Variants in IRAK3 observed in about 807,000 individuals in gnomAD.
IRAK3 encodes interleukin 1 receptor associated kinase 3, also known as interleukin-1 receptor-associated kinase 3.
A neutral mutation model predicts 56.6 loss-of-function variants in IRAK3; 57 were observed. The observed-to-expected ratio is 1.01, with a 90% CI of 0.81 to 1.26. The LOEUF (loss-of-function observed/expected upper bound fraction) is 1.26, where lower values mean the gene tolerates loss of function less well. IRAK3 is among the 50% of genes most tolerant of loss of function. The pLI is 0.00. For synonymous variants in IRAK3, 258 were observed against 255.7 expected (o/e 1.01, Z -0.09); for missense variants, 703 against 719.0 (o/e 0.98, Z 0.25).
In IRAK3 at chr12:66,244,433, A is replaced by C. The variant is rs2053005285; in HGVS notation, c.888-53A>C. On this transcript the variant is annotated intron_variant, in intron 8 of 11. Transcript: ENST00000261233. Reference sequence around the variant, plus strand: ...GTGAGTTTATAGTATGTTTGTTTACACTGAAGTGCCTTTATGATATTTTGT... The same window carrying C: ...GTGAGTTTATAGTATGTTTGTTTACCCTGAAGTGCCTTTATGATATTTTGT... 5 of 1,325,772 alleles carry C rather than the reference A, an allele frequency of 3.8e-6. No homozygotes were observed. In the South Asian group the frequency reaches 5.9e-5, roughly 16 times the overall value. 82.1% of individuals were successfully genotyped at this position (1,325,772 alleles called of 1,614,324 possible). A position where few individuals can be genotyped will look rare whatever the true frequency, so the allele number is the denominator to read the frequency against.
intron 6 of IRAK3, among the ~76,000 whole-genome samples, chr12:66,224,977 T>C (rs900186502): frequency 6.6e-6 from 1 of 152,196 alleles, no homozygotes; most frequent in Non-Finnish European, 1.5e-5. Context: ...CATGGGTCCA[T>C]AGGTACAACA....
chr12:66,233,606 C>T lies in IRAK3; in HGVS notation c.887+5236C>T, dbSNP rs147235384. On this transcript the variant is annotated intron_variant, in intron 8 of 11. Coordinates refer to ENST00000261233, the MANE Select transcript of IRAK3 (RefSeq NM_007199.3). ...ACACTCGCACTGCAAGCACAGAACACCATGGGTGAAGTCGGACTAGTTAAA... is the reference window on the plus strand; with the variant it reads ...ACACTCGCACTGCAAGCACAGAACATCATGGGTGAAGTCGGACTAGTTAAA... Among the ~76,000 whole-genome samples the T allele has an allele frequency of 1.9e-3, 282 of 151,856 alleles. 1 individual carries two copies. Among genetic ancestry groups the T allele is most frequent in the African/African-American group, 6.7e-3 (276 of 41,466 alleles).
intron 8 of IRAK3, among the ~76,000 whole-genome samples, chr12:66,231,940 T>C (rs920315463): frequency 6.6e-6 from 1 of 152,030 alleles, no homozygotes. Context: ...GGTTCTAGAG[T>C]CTCTTAGGTG....
chr12:66,224,534 A>G (rs2052766961), intron 6 of IRAK3, among the ~76,000 whole-genome samples: 3 of 152,214 alleles, frequency 2.0e-5, no homozygotes, highest in Admixed American at 2.0e-4. Flanking sequence ...TTTAATATTA[A>G]GGAAATTACC....
intron 9 of IRAK3, 72 bp from the exon 10 acceptor site, chr12:66,244,876 T>C: frequency 8.4e-7 from 1 of 1,194,202 alleles, no homozygotes; most frequent in East Asian, 2.3e-5. Context: ...TTCATAGTCA[T>C]GGTTAATAGT....
intron 8 of IRAK3, chr12:66,234,014 T>C: frequency 1.3e-6 from 2 of 1,563,350 alleles, no homozygotes; most frequent in Non-Finnish European, 8.8e-7. Context: ...GAAAAATCCA[T>C]GATTGTTCAG....
intron 7 of IRAK3, among the ~76,000 whole-genome samples, chr12:66,227,855 G>A (rs2052804339): frequency 6.6e-6 from 1 of 152,050 alleles, no homozygotes; most frequent in African/African-American, 2.4e-5. Context: ...GTCTTTGGAG[G>A]TTAAGTTTAA....
At position 66,228,287 on chromosome 12, in the gene IRAK3, C is replaced by A; in HGVS notation, c.804C>A (p.Ile268=). Reference sequence around the variant, plus strand: ...CCCCACTCCCTTGGCACATTCGAATCGGTATATTAATAGGAATATCCAAAG... The same window carrying A: ...CCCCACTCCCTTGGCACATTCGAATAGGTATATTAATAGGAATATCCAAAG... ...DTAPLPWHIR[I]GILIGISKAI... Residue 268 remains isoleucine (I), a synonymous_variant, in exon 8 of 12, where the codon ATC becomes ATA. Transcript: ENST00000261233. The A allele has an allele frequency of 1.2e-6, 2 of 1,614,068 alleles. No individual in the cohort carries two copies. The highest frequency in any genetic ancestry group is 1.1e-5 in the South Asian group (1 of 91,070).
chr12:66,223,276 A>G (rs1346820080), intron 6 of IRAK3, among the ~76,000 whole-genome samples: 3 of 152,174 alleles, frequency 2.0e-5, no homozygotes, highest in Non-Finnish European at 2.9e-5. Flanking sequence ...CAATAGCTTA[A>G]CTTGGGCTCA....
At chr12:66,224,653 T>G (rs2052767812) in intron 6 of IRAK3, among the ~76,000 whole-genome samples, 1 of 152,218 alleles carries the variant, frequency 6.6e-6, no homozygotes, top group African/African-American at 2.4e-5. Context: ...GGCTTTTGGC[T>G]TAACCTTTTA....
chr12:66,235,319 G>GGGCGCA, intron 8 of IRAK3: 3 of 1,167,760 alleles, frequency 2.6e-6, no homozygotes, highest in South Asian at 3.4e-5. Context: ...GCGCGGGCGC[G>GGGCGCA]GGGCAGCCTG....
rs773108503 is a variant in IRAK3 at position 66,247,723 on chromosome 12, C to G, written c.1343C>G (p.Ala448Gly). The change falls in exon 12 of 12, where the codon GCC becomes GGC. Residue 448 changes from alanine (A) to glycine (G), a missense_variant. Physicochemically the swap from Ala to Gly is moderately conservative, Grantham distance 60. Coordinates refer to ENST00000261233, the MANE Select transcript of IRAK3 (RefSeq NM_007199.3). ...EVLNTLESTQ[A>G]SLYFAEDPPT... ...TTAAATACTCTTGAAAGTACTCAAG[C>G]CAGCTTGTATTTTGCTGAAGATCCT... 2 of 1,613,546 alleles carry G rather than the reference C, an allele frequency of 1.2e-6. No homozygotes were observed. Among genetic ancestry groups the G allele is most frequent in the East Asian group, 4.5e-5 (2 of 44,890 alleles).
At chr12:66,245,040 C>T (rs912281919) in intron 10 of IRAK3, 30 bp downstream of exon 10, 5 of 1,613,438 alleles carry the variant, frequency 3.1e-6, no homozygotes, top group Non-Finnish European at 3.4e-6. Flanking sequence ...TGGCACCTAT[C>T]TCTTGGTCAT....
Position 66,251,321 on chromosome 12 carries a change from T to C in IRAK3, c.*3150T>C, listed in dbSNP as rs542983562. The C allele has an allele frequency of 3.9e-5, 6 of 152,308 alleles. No individual in the cohort carries two copies. The East Asian group carries it at 1.2e-3, about 29-fold the overall frequency. The allele number at this position is 152,308 out of a possible 1,614,324, so 9.4% of individuals were successfully genotyped here. ...GTGTATTAATAAGCGTTAGTTGATA[T>C]GAATTAAATGTTGCAACTTTCTATG... On this transcript the variant is annotated 3_prime_UTR_variant, in exon 12 of 12. Transcript: ENST00000261233.
chr12:66,218,262 C>T (rs150727018), intron 6 of IRAK3, among the ~76,000 whole-genome samples: 22 of 152,232 alleles, frequency 1.4e-4, no homozygotes, highest in African/African-American at 4.8e-4. Flanking sequence ...GTACACATTG[C>T]TTATTTTCAT....
At chr12:66,220,663 G>C (rs2052723199) in intron 6 of IRAK3, among the ~76,000 whole-genome samples, 1 of 150,092 alleles carries the variant, frequency 6.7e-6, no homozygotes, top group African/African-American at 2.4e-5. Flanking sequence ...TGGGACTACA[G>C]GCGCCCGCCA....
chr12:66,225,048 G>A (rs1565806771), intron 6 of IRAK3, among the ~76,000 whole-genome samples: 1 of 152,026 alleles, frequency 6.6e-6, no homozygotes, highest in East Asian at 1.9e-4. Context: ...TAAAGTATCC[G>A]TTTTTCTGTT....
chr12:66,220,135 A>T (rs1178180983), intron 6 of IRAK3, among the ~76,000 whole-genome samples: 3 of 152,304 alleles, frequency 2.0e-5, no homozygotes, highest in South Asian at 4.1e-4. Flanking sequence ...GACCAATGTC[A>T]AGGTAAATTT....
rs753302024 is a variant in IRAK3 at position 66,217,155 on chromosome 12, C to T, written c.589-16C>T. 6.4e-7 allele frequency: 1 copy of T among 1,573,398 alleles called. No individual in the cohort carries two copies. Among genetic ancestry groups the T allele is most frequent in the Admixed American group, 1.7e-5 (1 of 59,954 alleles). On this transcript the variant is annotated splice_polypyrimidine_tract_variant and intron_variant, in intron 5 of 11. Coordinates refer to ENST00000261233, the MANE Select transcript of IRAK3 (RefSeq NM_007199.3). The stretch of plus-strand genomic sequence containing the variant: ...ATCCTTTCCTTAATTTTGTTCTTGT[C>T]TTTCTGTATATGTAGGAGAAAAAAA...
Sources: gnomAD v4.1 joint callset for allele counts (sites outside exome capture counted in the v4.1 genomes callset) on GRCh38, gnomAD v4.1.1 for gene constraint, MANE v1.5 for transcripts, NCBI Gene and HGNC (gene_info 2026-07-23, HGNC 2026-07-21) for gene names.